The following CAMSAP1 variants were observed in gnomAD, a reference collection of about 807,000 sequenced individuals.
CAMSAP1 encodes calmodulin-regulated spectrin-associated protein 1.
In CAMSAP1, 58 loss-of-function variants were observed where a neutral mutation model predicts 143.5. The ratio of observed to expected loss-of-function variants is 0.40; its 90% CI spans 0.33 to 0.50. The LOEUF (loss-of-function observed/expected upper bound fraction) is 0.50, where lower values mean the gene tolerates loss of function less well. Ranked by LOEUF, CAMSAP1 falls within the 20% of genes least tolerant of loss-of-function variation. CAMSAP1 has a pLI of 0.45. For missense variants in CAMSAP1, 1,969 were observed against 2,115.7 expected (o/e 0.93, Z 1.36); for synonymous variants, 945 against 859.3 (o/e 1.10, Z -1.74).
intron 5 of CAMSAP1, among the ~76,000 whole-genome samples, 184 bp downstream of exon 5, chr9:135,862,283 A>G (rs1837224899): frequency 6.6e-6 from 1 of 152,010 alleles, no homozygotes; most frequent in Non-Finnish European, 1.5e-5. Flanking sequence ...CATCAGATAA[A>G]ATGCAGGTTA....
chr9:135,879,848 G>A (rs993040253), intron 3 of CAMSAP1, among the ~76,000 whole-genome samples: 6 of 151,706 alleles, frequency 4.0e-5, no homozygotes, highest in African/African-American at 7.3e-5. Context: ...TCACTGGAAC[G>A]GCTGAAATCA....
At position 135,822,502 on chromosome 9, in the gene CAMSAP1, GAAC is replaced by G; in HGVS notation, c.2156_2158del (p.Cys719del). 1 of 1,613,854 alleles carries G rather than the reference GAAC, an allele frequency of 6.2e-7. No individual in the cohort carries two copies. The highest frequency in any genetic ancestry group is 8.5e-7 in the Non-Finnish European group (1 of 1,179,888). On this transcript the variant is annotated inframe_deletion, in exon 11 of 17. Transcript: ENST00000389532. This position sits in a 1 kb window ranked among gnomAD's most constrained non-coding sequence, Gnocchi z 6.1. ...TGAATCGTGGGAGTTGGGGCTTTTT[GAAC>G]AACTAACATATAACCTTCCCTCGGT...
At chr9:135,868,853 T>C (rs1294423396) in intron 3 of CAMSAP1, among the ~76,000 whole-genome samples, 1 of 151,996 alleles carries the variant, frequency 6.6e-6, no homozygotes, top group Non-Finnish European at 1.5e-5. Flanking sequence ...CCTGACCTCG[T>C]GATCCACCTG....
chr9:135,881,758 C>G lies in CAMSAP1; in HGVS notation c.460G>C (p.Ala154Pro). ...ATGCTGATCATCTCCACAGTGTAGG[C>G]CATCATCAGGGCATCCACCATTGCC... is the stretch of plus-strand genomic sequence containing the variant. ...HMAMVDALMM[A>P]YTVEMISIEK... is the part of the protein sequence containing the mutation. The change falls in exon 3 of 17, where the codon GCC becomes CCC. Residue 154 changes from alanine (A) to proline (P), a missense_variant. Transcript: ENST00000389532. The G allele has an allele frequency of 6.4e-7, 1 of 1,551,940 alleles. No homozygotes were observed. The highest frequency in any genetic ancestry group is 8.7e-7 in the Non-Finnish European group (1 of 1,147,034).
At position 135,826,575 on chromosome 9, in the gene CAMSAP1, T is replaced by C. The variant is rs945481610; in HGVS notation, c.1223+832A>G. ...CGGTTTTAGCTCCTCTCAAACAACC[T>C]GAAACAACTGAGTTCGTTCTATGCC... On this transcript the variant is annotated intron_variant, in intron 8 of 16. Coordinates refer to ENST00000389532, the MANE Select transcript of CAMSAP1 (RefSeq NM_015447.4). This position sits in a 1 kb window ranked among gnomAD's most constrained non-coding sequence, Gnocchi z 4.4. Among the ~76,000 whole-genome samples the C allele has an allele frequency of 6.6e-6, 1 of 152,210 alleles. No homozygotes were observed. The highest frequency in any genetic ancestry group is 1.5e-5 in the Non-Finnish European group (1 of 68,038).
chr9:135,818,197 C>T lies in CAMSAP1; in HGVS notation c.4169-118G>A. 2.5e-6 allele frequency: 3 copies of T among 1,203,018 alleles called. No individual in the cohort carries two copies. Among genetic ancestry groups the T allele is most frequent in the Non-Finnish European group, 3.5e-6 (3 of 856,632 alleles). 74.5% of individuals were successfully genotyped at this position (1,203,018 alleles called of 1,614,324 possible). A position where few individuals can be genotyped will look rare whatever the true frequency, so the allele number is the denominator to read the frequency against. ...GAGCTCGGCCACACAGGCCGCGTCC[C>T]CACCCCATCCCGGGGAGCCGGGCTG... On this transcript the variant is annotated intron_variant, in intron 13 of 16. Coordinates refer to ENST00000389532, the MANE Select transcript of CAMSAP1 (RefSeq NM_015447.4). This position sits in a 1 kb window ranked among gnomAD's most constrained non-coding sequence, Gnocchi z 7.7.
chr9:135,870,000 T>C (rs1837516707), intron 3 of CAMSAP1, among the ~76,000 whole-genome samples: 1 of 152,180 alleles, frequency 6.6e-6, no homozygotes, highest in African/African-American at 2.4e-5. Context: ...CAGAGTAGAC[T>C]GCTAGTTGCC....
At chr9:135,893,452 G>A (rs938370352) in intron 1 of CAMSAP1, among the ~76,000 whole-genome samples, 1 of 152,030 alleles carries the variant, frequency 6.6e-6, no homozygotes, top group Non-Finnish European at 1.5e-5. Context: ...CAAAAGAAAG[G>A]TTGTAGAACA....
Position 135,824,767 on chromosome 9 carries a change from A to G in CAMSAP1, c.1315+22T>C. On this transcript the variant is annotated intron_variant, in intron 9 of 16. Transcript: ENST00000389532. The surrounding 1 kb of genome is among the most constrained non-coding windows in gnomAD (Gnocchi z 4.1). ...TATAGTAAGGAGAAATTAAGGAAAAAAGGAGGAAACAACATTCTTACCAGG... is the reference window on the plus strand; with the variant it reads ...TATAGTAAGGAGAAATTAAGGAAAAGAGGAGGAAACAACATTCTTACCAGG... 6.8e-7 allele frequency: 1 copy of G among 1,472,710 alleles called. No individual in the cohort carries two copies. Among genetic ancestry groups the G allele is most frequent in the South Asian group, 1.3e-5 (1 of 76,770 alleles). 91.2% of individuals were successfully genotyped at this position (1,472,710 alleles called of 1,614,324 possible). A position where few individuals can be genotyped will look rare whatever the true frequency, so the allele number is the denominator to read the frequency against.
At chr9:135,825,584 G>A (rs758351953) in intron 8 of CAMSAP1, among the ~76,000 whole-genome samples, 2 of 152,194 alleles carry the variant, frequency 1.3e-5, no homozygotes, top group Non-Finnish European at 2.9e-5. Context: ...ACACGTGTGC[G>A]GATCGCACAG....
rs762275731 is a variant in CAMSAP1, at chr9:135,827,384, T to C, written c.1223+23A>G. On this transcript the variant is annotated intron_variant, in intron 8 of 16. Transcript: ENST00000389532. ...GGGACACAAGATGGTGAACTGATTC[T>C]GAAAGCAGAAAGACAGACTTACAGG... The C allele has an allele frequency of 4.1e-6, 6 of 1,471,050 alleles. No individual in the cohort carries two copies. The East Asian group carries it at 1.2e-4, about 29-fold the overall frequency. The allele number at this position is 1,471,050 out of a possible 1,614,324, so 91.1% of individuals were successfully genotyped here. A position where few individuals can be genotyped will look rare whatever the true frequency, so the allele number is the denominator to read the frequency against.
chr9:135,827,291 A>G, intron 8 of CAMSAP1, 116 bp downstream of exon 8: 1 of 1,081,724 alleles, frequency 9.2e-7, no homozygotes. Flanking sequence ...AAAATCTTTC[A>G]TAAGCGAATA....
rs546250547 is a variant in CAMSAP1, at chr9:135,829,336, T to C, written c.1046-1752A>G. Among the ~76,000 whole-genome samples the C allele has an allele frequency of 5.7e-4, 84 of 147,094 alleles. 1 individual carries two copies. Among genetic ancestry groups the C allele is most frequent in the African/African-American group, 2.1e-3 (83 of 38,748 alleles). ...GGGCAACACAGCAAGACCTCATCTC[T>C]ACTGAAAAAAAAAAAAAAATTAAAG... On this transcript the variant is annotated intron_variant, in intron 7 of 16. Transcript: ENST00000389532.
intron 5 of CAMSAP1, among the ~76,000 whole-genome samples, chr9:135,851,688 T>C (rs182923306): frequency 2.6e-4 from 39 of 152,328 alleles, no homozygotes; most frequent in Admixed American, 1.3e-3. Flanking sequence ...AAGCTATGCC[T>C]CATTTTAGCA....
At chr9:135,887,062 C>T (rs922354578) in intron 1 of CAMSAP1, among the ~76,000 whole-genome samples, 1 of 152,096 alleles carries the variant, frequency 6.6e-6, no homozygotes, top group African/African-American at 2.4e-5. Context: ...CAGCTGGAGA[C>T]GTGCTTTGGA....
intron 7 of CAMSAP1, chr9:135,836,555 T>C: frequency 1.9e-5 from 19 of 980,842 alleles, no homozygotes; most frequent in East Asian, 1.2e-4. Flanking sequence ...TTCTACCCCG[T>C]TCTACAGACA....
rs56025849 is a variant in CAMSAP1 at position 135,808,548 on chromosome 9, T to C, written c.*2761A>G. ...TTTGCCCTCCAAGTGACAACTACAA[T>C]TTCAGGGAGGTAAAAGTATAACCTA... On this transcript the variant is annotated 3_prime_UTR_variant, in exon 17 of 17. Transcript: ENST00000389532. 6.6e-6 allele frequency: 1 copy of C among 152,358 alleles called. No homozygotes were observed. The highest frequency in any genetic ancestry group is 1.5e-5 in the Non-Finnish European group (1 of 68,032). The allele number at this position is 152,358 out of a possible 1,614,324, so 9.4% of individuals were successfully genotyped here. A position where few individuals can be genotyped will look rare whatever the true frequency, so the allele number is the denominator to read the frequency against.
chr9:135,877,230 C>T (rs1236421169), intron 3 of CAMSAP1, among the ~76,000 whole-genome samples: 1 of 151,516 alleles, frequency 6.6e-6, no homozygotes, highest in Admixed American at 6.6e-5. Flanking sequence ...TGAAAGAAGC[C>T]AAACACAAGA....
chr9:135,819,484 A>C (rs1835362689), intron 11 of CAMSAP1, among the ~76,000 whole-genome samples: 1 of 152,076 alleles, frequency 6.6e-6, no homozygotes, highest in African/African-American at 2.4e-5. Flanking sequence ...GAATCACTTG[A>C]GGTCAGGAGT....
Sources: allele counts gnomAD v4.1 joint callset (sites outside exome capture counted in the v4.1 genomes callset), GRCh38; gene constraint gnomAD v4.1.1; non-coding constraint Gnocchi (gnomAD v3.1); transcripts MANE v1.5; gene names NCBI Gene and HGNC (gene_info 2026-07-23, HGNC 2026-07-21).